The following SLC39A11 variants were observed in gnomAD, a reference collection of about 807,000 sequenced individuals.
SLC39A11 encodes the protein solute carrier family 39 member 11.
A neutral mutation model predicts 36.1 loss-of-function variants in SLC39A11; 33 were observed. That is an observed-to-expected ratio of 0.91 (90% CI 0.69 to 1.22). The LOEUF is 1.22. SLC39A11 is among the 50% of genes most tolerant of loss of function. SLC39A11 has a pLI of 0.00. For missense variants in SLC39A11, 432 were observed against 430.3 expected, an observed-to-expected ratio of 1.00 and a Z score of -0.03; for synonymous variants, 166 against 170.3, an observed-to-expected ratio of 0.97 and a Z score of 0.20.
At chr17:72,814,183 G>T (rs1327619405) in intron 6 of SLC39A11, among the ~76,000 whole-genome samples, 1 of 152,176 alleles carries the variant, frequency 6.6e-6, no homozygotes, top group Non-Finnish European at 1.5e-5. Context: ...AAAGCCCCAG[G>T]GGATTCATGG....
intron 4 of SLC39A11, among the ~76,000 whole-genome samples, chr17:73,000,377 T>TC (rs1458611077): frequency 6.7e-6 from 1 of 149,142 alleles, no homozygotes; most frequent in African/African-American, 2.4e-5. Context: ...CTCCTCCTCC[T>TC]CTCTCTCTCT....
rs2059263328 is a variant in SLC39A11 at position 73,045,667 on chromosome 17, C to T, written c.148-13953G>A. ...CCATTACTCTGAATAATAGAAATGG[C>T]AAGTATACTCATTACTTTGGTCCTT... On this transcript the variant is annotated intron_variant, in intron 3 of 9. Coordinates refer to ENST00000255559, the MANE Select transcript of SLC39A11 (RefSeq NM_139177.4). Among the ~76,000 whole-genome samples the T allele has an allele frequency of 2.0e-5, 3 of 152,104 alleles. No homozygotes were observed. The South Asian group carries it at 6.2e-4, about 32-fold the overall frequency.
At chr17:72,895,090 TGCATTGGTGGGTGCTAGTC>T (rs1037910760) in intron 5 of SLC39A11, among the ~76,000 whole-genome samples, 3 of 151,084 alleles carry the variant, frequency 2.0e-5, no homozygotes, top group Admixed American at 6.6e-5. Context: ...TATTGCTAGT[TGCATTGGTGGGTGCTAGTC>T]GCATTGGTGG....
chr17:72,945,632 C>G (rs1180152581), intron 5 of SLC39A11, among the ~76,000 whole-genome samples: 1 of 152,172 alleles, frequency 6.6e-6, no homozygotes, highest in Non-Finnish European at 1.5e-5. Flanking sequence ...TGCAGCTGAA[C>G]AGCTAGCAAC....
chr17:72,875,284 AC>A (rs1215944242), intron 5 of SLC39A11, among the ~76,000 whole-genome samples: 3 of 152,206 alleles, frequency 2.0e-5, no homozygotes. Context: ...TAAGGGTAAA[AC>A]TTCAGCCCAA....
chr17:72,732,783 TG>T (rs2074284186), intron 7 of SLC39A11, among the ~76,000 whole-genome samples: 1 of 152,230 alleles, frequency 6.6e-6, no homozygotes, highest in Non-Finnish European at 1.5e-5. Context: ...TGTTTGTTCC[TG>T]CTAGAGCCTG....
chr17:72,978,707 G>C (rs1433036130), intron 4 of SLC39A11, among the ~76,000 whole-genome samples: 1 of 152,166 alleles, frequency 6.6e-6, no homozygotes, highest in Non-Finnish European at 1.5e-5. Flanking sequence ...TTCTGGGACA[G>C]AGACAGTAAT....
chr17:72,871,693 T>C (rs2080637500), intron 5 of SLC39A11, among the ~76,000 whole-genome samples: 1 of 152,194 alleles, frequency 6.6e-6, no homozygotes, highest in Non-Finnish European at 1.5e-5. Context: ...CCTTGTCCTG[T>C]GTGTCTCTTC....
chr17:72,735,929 C>T (rs1014837518), intron 7 of SLC39A11, among the ~76,000 whole-genome samples: 90 of 152,246 alleles, frequency 5.9e-4, no homozygotes, highest in African/African-American at 2.1e-3. Flanking sequence ...AGGGAAAACG[C>T]GGCATTGAGA....
intron 3 of SLC39A11, among the ~76,000 whole-genome samples, chr17:73,055,593 T>C (rs1207671707): frequency 6.7e-6 from 1 of 150,258 alleles, no homozygotes; most frequent in Non-Finnish European, 1.5e-5. Context: ...CCACCATGGC[T>C]GGATAATTTG....
chr17:72,821,369 G>A (rs1011921372), intron 6 of SLC39A11, among the ~76,000 whole-genome samples: 7 of 150,156 alleles, frequency 4.7e-5, no homozygotes, highest in Admixed American at 3.3e-4. Context: ...AGCTGGGCAT[G>A]GTGATGCACA....
chr17:72,832,648 G>A (rs987014315), intron 6 of SLC39A11, among the ~76,000 whole-genome samples: 3 of 152,128 alleles, frequency 2.0e-5, no homozygotes, highest in Non-Finnish European at 2.9e-5. Context: ...AAAGAAAATG[G>A]AATTTTGATT....
chr17:72,990,762 A>T (rs1036214198), intron 4 of SLC39A11, among the ~76,000 whole-genome samples: 1 of 150,520 alleles, frequency 6.6e-6, no homozygotes, highest in Non-Finnish European at 1.5e-5. Context: ...TCCCCGACCA[A>T]CACACACACA....
chr17:72,823,675 A>G (rs558855227), intron 6 of SLC39A11: 2 of 151,534 alleles, frequency 1.3e-5, no homozygotes, highest in Admixed American at 6.6e-5. Context: ...ACATTGCTCA[A>G]TAATCCCAAA....
Position 72,648,783 on chromosome 17 carries a change from G to C in SLC39A11, c.929+20C>G. 6.2e-7 allele frequency: 1 copy of C among 1,614,072 alleles called. No individual in the cohort carries two copies. The highest frequency in any genetic ancestry group is 8.5e-7 in the Non-Finnish European group (1 of 1,179,962). On this transcript the variant is annotated intron_variant, in intron 9 of 9. Transcript: ENST00000255559. ...GCTGGGACTGGGACAGGGACAGACA[G>C]GGAGGGAAGGTTCTCCAACCTGATC...
At chr17:72,766,813 C>T (rs2075774903) in intron 6 of SLC39A11, among the ~76,000 whole-genome samples, 1 of 152,196 alleles carries the variant, frequency 6.6e-6, no homozygotes, top group African/African-American at 2.4e-5. Context: ...TGCCTAAATC[C>T]AAAGGGCATC....
chr17:72,965,155 G>A (rs923999986), intron 4 of SLC39A11, among the ~76,000 whole-genome samples: 9 of 152,066 alleles, frequency 5.9e-5, no homozygotes, highest in Admixed American at 2.0e-4. Context: ...GTTAAGTGAC[G>A]AGTTAATGGG....
intron 7 of SLC39A11, chr17:72,712,826 G>A (rs2073167842): frequency 6.6e-6 from 1 of 152,078 alleles, no homozygotes; most frequent in Non-Finnish European, 1.5e-5. Context: ...GGGTCAGAGT[G>A]GAGATATGAT....
intron 5 of SLC39A11, among the ~76,000 whole-genome samples, chr17:72,878,248 G>A (rs577431382): frequency 6.6e-5 from 10 of 152,158 alleles, no homozygotes; most frequent in East Asian, 3.9e-4. Flanking sequence ...AGGGCAGTCC[G>A]TCCCTAGAGG....
Sources: allele counts gnomAD v4.1 joint callset (sites outside exome capture counted in the v4.1 genomes callset), GRCh38; gene constraint gnomAD v4.1.1; transcripts MANE v1.5; gene names NCBI Gene and HGNC (gene_info 2026-07-23, HGNC 2026-07-21).